MRPS28: variants seen among roughly 807,000 people sequenced by gnomAD.
MRPS28 encodes the protein small ribosomal subunit protein bS1m.
A neutral mutation model predicts 10.8 loss-of-function variants in MRPS28; 7 were observed. The ratio of observed to expected loss-of-function variants is 0.65; its 90% CI spans 0.37 to 1.22. The LOEUF (loss-of-function observed/expected upper bound fraction) is 1.22, where lower values mean the gene tolerates loss of function less well. Among genes scored for constraint, MRPS28 ranks in the 50% most tolerant of loss-of-function variants. MRPS28 has a pLI of 0.02. For synonymous variants in MRPS28, 121 were observed against 93.3 expected (o/e 1.30, Z -1.71); for missense variants, 265 against 232.9 (o/e 1.14, Z -0.90).
chr8:79,938,876 C>T (rs893622876), intron 2 of MRPS28, among the ~76,000 whole-genome samples: 1 of 152,120 alleles, frequency 6.6e-6, no homozygotes, highest in Non-Finnish European at 1.5e-5. Flanking sequence ...AAAAGAAACA[C>T]AAAATTTTTA....
intron 1 of MRPS28, among the ~76,000 whole-genome samples, chr8:80,019,149 GAT>G (rs1198456176): frequency 2.0e-5 from 3 of 151,762 alleles, no homozygotes; most frequent in Non-Finnish European, 4.4e-5. Flanking sequence ...ACAACAGGGT[GAT>G]AAGCAATAAT....
At chr8:80,010,301 C>T (rs931526194) in intron 1 of MRPS28, among the ~76,000 whole-genome samples, 11 of 152,272 alleles carry the variant, frequency 7.2e-5, no homozygotes, top group African/African-American at 2.2e-4. Flanking sequence ...TTTGATCTGA[C>T]GACCTAAATG....
At chr8:79,980,970 T>A (rs1226285201) in intron 2 of MRPS28, among the ~76,000 whole-genome samples, 1 of 152,228 alleles carries the variant, frequency 6.6e-6, no homozygotes, top group Non-Finnish European at 1.5e-5. Context: ...ACTTTACTTT[T>A]GGAATGCTTT....
Position 80,024,518 on chromosome 8 carries a change from G to A in MRPS28, c.213+5518C>T, listed in dbSNP as rs1267932930. Among the ~76,000 whole-genome samples the A allele has an allele frequency of 2.0e-5, 3 of 152,112 alleles. No individual in the cohort carries two copies. The South Asian group carries it at 6.2e-4, about 32-fold the overall frequency. On this transcript the variant is annotated intron_variant, in intron 1 of 2. Coordinates refer to ENST00000276585, the MANE Select transcript of MRPS28 (RefSeq NM_014018.3). The stretch of plus-strand genomic sequence containing the variant: ...GGCTGCAGGGGAAAGTTCTTTGTAA[G>A]GATAATGTGTATGGGCTTATTTCTG...
intron 1 of MRPS28, among the ~76,000 whole-genome samples, chr8:80,018,371 G>A (rs1338256632): frequency 6.7e-6 from 1 of 150,046 alleles, no homozygotes; most frequent in Non-Finnish European, 1.5e-5. Context: ...ATGGCAAACA[G>A]GCTTATGAAA....
intron 1 of MRPS28, among the ~76,000 whole-genome samples, chr8:80,019,014 A>C (rs1809281185): frequency 6.6e-6 from 1 of 152,086 alleles, no homozygotes; most frequent in Non-Finnish European, 1.5e-5. Flanking sequence ...GGGGGTTTGT[A>C]CCTATTAACC....
chr8:80,027,530 T>G (rs1455783058), intron 1 of MRPS28, among the ~76,000 whole-genome samples: 1 of 152,204 alleles, frequency 6.6e-6, no homozygotes, highest in Non-Finnish European at 1.5e-5. Context: ...GTTTAGAAGA[T>G]TCTCAAGGAG....
At chr8:80,014,349 C>G (rs1377604740) in intron 1 of MRPS28, among the ~76,000 whole-genome samples, 1 of 151,960 alleles carries the variant, frequency 6.6e-6, no homozygotes. Context: ...AGAGGAGAGC[C>G]AAGTTTGGGA....
In MRPS28 at chr8:79,919,154, T is replaced by C. The variant is rs765694635; in HGVS notation, c.396-6A>G. On this transcript the variant is annotated splice_region_variant and splice_polypyrimidine_tract_variant and intron_variant, in intron 2 of 2. Transcript: ENST00000276585. Reference sequence around the variant, plus strand: ...TGGTTCCTTTCTGGTATTTCCTAAATAGTTAAAAAAAAAAAAATCCATTAA... The same window carrying C: ...TGGTTCCTTTCTGGTATTTCCTAAACAGTTAAAAAAAAAAAAATCCATTAA... The C allele has an allele frequency of 6.4e-7, 1 of 1,552,778 alleles. No individual in the cohort carries two copies. Among genetic ancestry groups the C allele is most frequent in the Non-Finnish European group, 8.6e-7 (1 of 1,157,014 alleles).
chr8:80,007,205 T>C (rs550086053), intron 1 of MRPS28, among the ~76,000 whole-genome samples: 3 of 152,272 alleles, frequency 2.0e-5, no homozygotes, highest in East Asian at 1.9e-4. Context: ...GAAAAGGCCT[T>C]TGACAAAATT....
intron 2 of MRPS28, among the ~76,000 whole-genome samples, chr8:79,925,161 C>T (rs1034991460): frequency 6.6e-6 from 1 of 151,602 alleles, no homozygotes; most frequent in Non-Finnish European, 1.5e-5. Flanking sequence ...TTATCCCAGG[C>T]CATTAGAAGA....
chr8:80,029,969 T>C (rs1012104945), intron 1 of MRPS28, 67 bp downstream of exon 1: 10 of 1,565,002 alleles, frequency 6.4e-6, no homozygotes, highest in African/African-American at 1.4e-5. Context: ...CCGCCCCTAT[T>C]CCCGACCCCG....
chr8:79,930,360 G>C (rs983318237), intron 2 of MRPS28, among the ~76,000 whole-genome samples: 2 of 152,186 alleles, frequency 1.3e-5, no homozygotes, highest in African/African-American at 4.8e-5. Flanking sequence ...ATCTCTGTCA[G>C]TGTTGTACTT....
intron 2 of MRPS28, among the ~76,000 whole-genome samples, chr8:79,985,970 C>A (rs1029132666): frequency 1.3e-5 from 2 of 151,892 alleles, no homozygotes; most frequent in Non-Finnish European, 2.9e-5. Context: ...AGAGACACAA[C>A]CAAAAAAGAG....
At chr8:79,998,445 C>A (rs554545321) in intron 2 of MRPS28, among the ~76,000 whole-genome samples, 1 of 152,218 alleles carries the variant, frequency 6.6e-6, no homozygotes, top group Non-Finnish European at 1.5e-5. Flanking sequence ...TTGCAACTCA[C>A]TCTAAGTAGA....
intron 2 of MRPS28, among the ~76,000 whole-genome samples, chr8:79,954,127 C>T (rs1807145202): frequency 6.6e-6 from 1 of 151,994 alleles, no homozygotes; most frequent in Admixed American, 6.6e-5. Context: ...CCTGTATTCT[C>T]AGCTATTTGG....
chr8:79,934,042 A>T (rs1563519895), intron 2 of MRPS28, among the ~76,000 whole-genome samples: 1 of 152,202 alleles, frequency 6.6e-6, no homozygotes, highest in Non-Finnish European at 1.5e-5. Flanking sequence ...ACTAGAAACT[A>T]GGTTTTTCCA....
chr8:80,013,634 C>CAAAA (rs5892700), intron 1 of MRPS28, among the ~76,000 whole-genome samples: 252 of 75,126 alleles, frequency 3.4e-3, no homozygotes, highest in Non-Finnish European at 4.3e-3. Flanking sequence ...GACTCCATCT[C>CAAAA]AAAAAAAAAA....
rs531040683 is a variant in MRPS28 at position 80,020,995 on chromosome 8, G to A, written c.213+9041C>T. On this transcript the variant is annotated intron_variant, in intron 1 of 2. Transcript: ENST00000276585. ...AACTACAGTACGAATATATATATTC[G>A]CACACACACACTTTTTTTTTTTTTT... 9.3e-5 allele frequency among the ~76,000 whole-genome samples: 14 copies of A among 150,360 alleles called. 1 individual carries two copies. Among genetic ancestry groups the A allele is most frequent in the Non-Finnish European group, 1.5e-4 (10 of 67,756 alleles).
Sources: allele counts gnomAD v4.1 joint callset (sites outside exome capture counted in the v4.1 genomes callset), GRCh38; gene constraint gnomAD v4.1.1; transcripts MANE v1.5; gene names NCBI Gene and HGNC (gene_info 2026-07-23, HGNC 2026-07-21).